TMEM117: variants seen among roughly 807,000 people sequenced by gnomAD.
The protein encoded by TMEM117 is transmembrane protein 117.
Under a neutral mutation model 52.4 loss-of-function variants are expected in TMEM117, and 27 were observed. The ratio of observed to expected loss-of-function variants is 0.51; its 90% CI spans 0.38 to 0.71. TMEM117 has a LOEUF of 0.71. TMEM117 is among the 30% of genes least tolerant of loss of function. The pLI is 0.00. For synonymous variants in TMEM117, 215 were observed against 206.3 expected, an observed-to-expected ratio of 1.04 and a Z score of -0.36; for missense variants, 556 against 630.5, an observed-to-expected ratio of 0.88 and a Z score of 1.26.
At chr12:43,949,591 C>T (rs560778898) in intron 3 of TMEM117, among the ~76,000 whole-genome samples, 2 of 152,316 alleles carry the variant, frequency 1.3e-5, no homozygotes, top group African/African-American at 2.4e-5. Context: ...CGGGAAGCTG[C>T]TGATCACCAA....
intron 3 of TMEM117, among the ~76,000 whole-genome samples, chr12:44,097,433 C>T: frequency 6.6e-6 from 1 of 151,966 alleles, no homozygotes; most frequent in Non-Finnish European, 1.5e-5. Flanking sequence ...TATTGCGGCA[C>T]TATTCACAAT....
At chr12:44,329,990 G>C (rs1404843089) in intron 6 of TMEM117, among the ~76,000 whole-genome samples, 1 of 152,038 alleles carries the variant, frequency 6.6e-6, no homozygotes, top group Admixed American at 6.6e-5. Context: ...AGAAATGTCT[G>C]TTCAAGTTCC....
chr12:44,017,214 G>A (rs1385386314), intron 3 of TMEM117, among the ~76,000 whole-genome samples: 3 of 121,080 alleles, frequency 2.5e-5, no homozygotes, highest in Admixed American at 1.5e-4. Flanking sequence ...AAAGGAGAAA[G>A]CATTATTTAT....
chr12:44,212,957 A>AT (rs1228239648), intron 5 of TMEM117, among the ~76,000 whole-genome samples: 1 of 152,078 alleles, frequency 6.6e-6, no homozygotes, highest in Non-Finnish European at 1.5e-5. Flanking sequence ...ACAAAAGTGG[A>AT]TTTTCAATAC....
chr12:44,305,801 A>G (rs746409784), intron 6 of TMEM117, among the ~76,000 whole-genome samples: 1 of 152,208 alleles, frequency 6.6e-6, no homozygotes, highest in Non-Finnish European at 1.5e-5. Context: ...CAATCCCATT[A>G]CTGAGTATAT....
chr12:44,291,374 GTTTT>G (rs1185340451), intron 5 of TMEM117, among the ~76,000 whole-genome samples: 1 of 71,456 alleles, frequency 1.4e-5, no homozygotes, highest in Non-Finnish European at 2.8e-5. Flanking sequence ...AGTTCTAACA[GTTTT>G]TTTTTTTTTT....
chr12:44,161,789 A>G (rs928643321), intron 4 of TMEM117, among the ~76,000 whole-genome samples: 36 of 152,206 alleles, frequency 2.4e-4, no homozygotes, highest in African/African-American at 8.4e-4. Flanking sequence ...TTCTTGGTTT[A>G]TGGTAGTGGC....
At chr12:44,233,195 T>G (rs997484770) in intron 5 of TMEM117, among the ~76,000 whole-genome samples, 2 of 151,332 alleles carry the variant, frequency 1.3e-5, no homozygotes, top group African/African-American at 4.8e-5. Context: ...CTTATTTCAA[T>G]AAAGTCTTTA....
At chr12:44,212,862 C>A (rs1949665240) in intron 5 of TMEM117, among the ~76,000 whole-genome samples, 1 of 151,874 alleles carries the variant, frequency 6.6e-6, no homozygotes. Flanking sequence ...AAAATATACA[C>A]TCTATGTTAT....
intron 3 of TMEM117, among the ~76,000 whole-genome samples, chr12:44,046,055 G>A (rs573370575): frequency 2.2e-4 from 34 of 152,262 alleles, no homozygotes; most frequent in Middle Eastern, 3.4e-3. Context: ...CTGAATCAGC[G>A]TTCAATATAT....
At chr12:43,960,818 T>C (rs1039048964) in intron 3 of TMEM117, among the ~76,000 whole-genome samples, 2 of 152,228 alleles carry the variant, frequency 1.3e-5, no homozygotes, top group Non-Finnish European at 2.9e-5. Context: ...TGAGTTGTTA[T>C]ATCATTTATA....
At chr12:44,148,259 A>G (rs1592557851) in intron 4 of TMEM117, among the ~76,000 whole-genome samples, 1 of 152,214 alleles carries the variant, frequency 6.6e-6, no homozygotes, top group Admixed American at 6.5e-5. Context: ...GTGATTTTTA[A>G]TGGACTTTTT....
intron 6 of TMEM117, 145 bp from the exon 7 acceptor site, chr12:44,376,450 C>T: frequency 1.1e-6 from 1 of 924,660 alleles, no homozygotes. Flanking sequence ...ATAAAATAAC[C>T]ATCACAGAAT....
At chr12:44,185,869 T>TACACACACAC (rs3065433) in intron 4 of TMEM117, among the ~76,000 whole-genome samples, 275 of 135,106 alleles carry the variant, frequency 2.0e-3, no homozygotes, top group Non-Finnish European at 2.6e-3. Context: ...CTAAAAGACA[T>TACACACACAC]ACACACACAC....
chr12:43,829,075 C>G, the TMEM117 span, among the ~76,000 whole-genome samples: 1 of 152,190 alleles, frequency 6.6e-6, no homozygotes, highest in Non-Finnish European at 1.5e-5. Context: ...GGGCATGCTA[C>G]TGTACCCAGC....
intron 4 of TMEM117, among the ~76,000 whole-genome samples, chr12:44,182,119 G>A (rs995756174): frequency 6.6e-6 from 1 of 152,122 alleles, no homozygotes; most frequent in Non-Finnish European, 1.5e-5. Context: ...GGAAGCAATT[G>A]TGAATGGGAG....
intron 6 of TMEM117, among the ~76,000 whole-genome samples, chr12:44,358,663 A>T (rs983903625): frequency 6.6e-6 from 1 of 152,190 alleles, no homozygotes; most frequent in African/African-American, 2.4e-5. Flanking sequence ...AATGAAAATG[A>T]GAATATCAAG....
intron 6 of TMEM117, 146 bp from the exon 7 acceptor site, chr12:44,376,449 C>A: frequency 5.4e-6 from 5 of 917,762 alleles, no homozygotes; most frequent in Non-Finnish European, 8.8e-6. Context: ...CATAAAATAA[C>A]CATCACAGAA....
At chr12:44,069,548 T>C (rs1055670980) in intron 3 of TMEM117, among the ~76,000 whole-genome samples, 87 of 152,220 alleles carry the variant, frequency 5.7e-4, no homozygotes, top group African/African-American at 2.0e-3. Context: ...TCTGGGAAGA[T>C]AGCAGGAGAT....
Sources: allele counts gnomAD v4.1 joint callset (sites outside exome capture counted in the v4.1 genomes callset), GRCh38; gene constraint gnomAD v4.1.1; transcripts MANE v1.5; gene names NCBI Gene and HGNC (gene_info 2026-07-23, HGNC 2026-07-21).